The following ZNF483 variants were observed in gnomAD, a reference collection of about 807,000 sequenced individuals.
ZNF483 encodes zinc finger protein 483, also known as zinc finger protein HIT-10.
In ZNF483, 9 loss-of-function variants were observed where a neutral mutation model predicts 28.6. That is an observed-to-expected ratio of 0.32 (90% CI 0.19 to 0.55). ZNF483 has a LOEUF of 0.55. Ranked by LOEUF, ZNF483 falls within the 20% of genes least tolerant of loss-of-function variation. The pLI, the probability that ZNF483 is intolerant of heterozygous loss-of-function variation, is 0.93. For missense variants in ZNF483, 675 were observed against 871.7 expected, an observed-to-expected ratio of 0.77 and a Z score of 2.84; for synonymous variants, 322 against 306.2, an observed-to-expected ratio of 1.05 and a Z score of -0.54.
In ZNF483 at chr9:111,550,632, G is replaced by A. The variant is rs1271742772; in HGVS notation, c.*7462G>A. 6.6e-6 allele frequency among the ~76,000 whole-genome samples: 1 copy of A among 152,134 alleles called. No individual in the cohort carries two copies. On this transcript the variant is annotated 3_prime_UTR_variant, in exon 6 of 6. Coordinates refer to ENST00000309235, the MANE Select transcript of ZNF483 (RefSeq NM_133464.5). ...TTCTGCCGATGTAATTATTATCTAG[G>A]TGGAGAGGTGGATTCCTGGGCCACT...
At chr9:111,568,875 G>A (rs981381299) in intron 5 of ZNF483, among the ~76,000 whole-genome samples, 1 of 152,200 alleles carries the variant, frequency 6.6e-6, no homozygotes, top group African/African-American at 2.4e-5. Flanking sequence ...GGACCAGGGT[G>A]GTAGCAGGGA....
intron 3 of ZNF483, among the ~76,000 whole-genome samples, chr9:111,532,780 A>G (rs1189672578): frequency 6.6e-6 from 1 of 152,096 alleles, no homozygotes; most frequent in Non-Finnish European, 1.5e-5. Flanking sequence ...GCGTTGGTGC[A>G]TGCCTGTAAT....
chr9:111,561,147 G>GAGAGAGA (rs1491187821), intron 5 of ZNF483, among the ~76,000 whole-genome samples: 6 of 44,666 alleles, frequency 1.3e-4, no homozygotes, highest in Non-Finnish European at 2.1e-4. Context: ...AGGAGAGAGA[G>GAGAGAGA]GGAGAGAGAG....
At chr9:111,558,715 C>T (rs994238934), downstream of ZNF483, among the ~76,000 whole-genome samples, 3 of 152,164 alleles carry the variant, frequency 2.0e-5, no homozygotes, top group Non-Finnish European at 2.9e-5. Context: ...CACACACACT[C>T]ATTTATATGT....
rs1296121763 is a variant in ZNF483 at position 111,548,760 on chromosome 9, A to G, written c.*5590A>G. On this transcript the variant is annotated 3_prime_UTR_variant, in exon 6 of 6. Coordinates refer to ENST00000309235, the MANE Select transcript of ZNF483 (RefSeq NM_133464.5). ...TATTATGTTAAGGTAATTTCCTTTT[A>G]TTGATAAATTCTTGTTTGAAGGACA... Among the ~76,000 whole-genome samples, 3 of 149,150 alleles carry G rather than the reference A, an allele frequency of 2.0e-5. No homozygotes were observed. The highest frequency in any genetic ancestry group is 1.9e-4 in the East Asian group (1 of 5,152).
At chr9:111,535,514 A>T (rs1827470176) in intron 5 of ZNF483, among the ~76,000 whole-genome samples, 1 of 152,238 alleles carries the variant, frequency 6.6e-6, no homozygotes, top group South Asian at 2.1e-4. Flanking sequence ...GAAAACATTC[A>T]TGTTAACACT....
In ZNF483 at chr9:111,552,795, AAAATAT is replaced by A. The variant is rs142667436; in HGVS notation, c.*9632_*9637del. Among the ~76,000 whole-genome samples the A allele has an allele frequency of 0.026, 3,943 of 152,320 alleles. 69 individuals carry two copies. The highest frequency in any genetic ancestry group is 0.037 in the Non-Finnish European group (2,534 of 68,018). ...TTTGAATTAATTGGTCTTTATTATT[AAAATAT>A]AAATATTCTATTAGCAAAAATATAT... On this transcript the variant is annotated 3_prime_UTR_variant, in exon 6 of 6. Transcript: ENST00000309235.
At chr9:111,566,207 A>G (rs886263790) in intron 5 of ZNF483, among the ~76,000 whole-genome samples, 1 of 150,700 alleles carries the variant, frequency 6.6e-6, no homozygotes, top group African/African-American at 2.5e-5. Context: ...CATGTCAAAA[A>G]TAAATAAATA....
At chr9:111,529,215 T>G (rs1827258814) in intron 2 of ZNF483, among the ~76,000 whole-genome samples, 1 of 152,228 alleles carries the variant, frequency 6.6e-6, no homozygotes, top group African/African-American at 2.4e-5. Flanking sequence ...TCTCTTTGAT[T>G]ACGTAATTCT....
intron 5 of ZNF483, among the ~76,000 whole-genome samples, chr9:111,567,716 AT>A (rs1295903317): frequency 2.6e-5 from 4 of 152,264 alleles, no homozygotes; most frequent in African/African-American, 7.2e-5. Flanking sequence ...GCAGGATTTG[AT>A]TTGTGCCTTA....
chr9:111,570,963 C>A (rs911252118), intron 5 of ZNF483, among the ~76,000 whole-genome samples: 1 of 152,094 alleles, frequency 6.6e-6, no homozygotes, highest in African/African-American at 2.4e-5. Context: ...AGAGCCTATG[C>A]CCCTGGCTTT....
chr9:111,572,769 A>T, intron 5 of ZNF483, among the ~76,000 whole-genome samples: 1 of 150,862 alleles, frequency 6.6e-6, no homozygotes, highest in African/African-American at 2.4e-5. Flanking sequence ...AAAAAAAAAA[A>T]AAAAAAAAAA....
Position 111,551,461 on chromosome 9 carries a change from G to A in ZNF483, c.*8291G>A, listed in dbSNP as rs531787591. 2.4e-5 allele frequency among the ~76,000 whole-genome samples: 3 copies of A among 125,898 alleles called. No homozygotes were observed. The highest frequency in any genetic ancestry group is 9.1e-5 in the African/African-American group (3 of 32,874). The allele number at this position is 125,898 out of a possible 152,430, so 82.6% of individuals were successfully genotyped here. A position where few individuals can be genotyped will look rare whatever the true frequency, so the allele number is the denominator to read the frequency against. On this transcript the variant is annotated 3_prime_UTR_variant, in exon 6 of 6. Transcript: ENST00000309235. ...CTCACTCTGTTGCCCAGGCTGGAGTGCAGTGGCGCAATCTTGGTCCACTGC... is the reference window on the plus strand; with the variant it reads ...CTCACTCTGTTGCCCAGGCTGGAGTACAGTGGCGCAATCTTGGTCCACTGC...
At position 111,546,857 on chromosome 9, in the gene ZNF483, G is replaced by C. The variant is rs1344813064; in HGVS notation, c.*3687G>C. The stretch of plus-strand genomic sequence containing the variant: ...TAACTCCCCATTTTCTCCTCCTCAG[G>C]CTCCTGGTAACCACTGTTCTACTTC... On this transcript the variant is annotated 3_prime_UTR_variant, in exon 6 of 6. Coordinates refer to ENST00000309235, the MANE Select transcript of ZNF483 (RefSeq NM_133464.5). Among the ~76,000 whole-genome samples the C allele has an allele frequency of 1.3e-5, 2 of 151,992 alleles. No homozygotes were observed. The highest frequency in any genetic ancestry group is 2.9e-5 in the Non-Finnish European group (2 of 67,978).
intron 5 of ZNF483, among the ~76,000 whole-genome samples, chr9:111,539,112 CAAAAAAAAAAAAAA>C (rs11367090): frequency 6.2e-5 from 4 of 64,908 alleles, no homozygotes; most frequent in East Asian, 5.8e-4. Context: ...GACTCCGTCT[CAAAAAAAAAAAAAA>C]AAAAAAAAAA....
At chr9:111,538,682 T>A (rs147759467) in intron 5 of ZNF483, among the ~76,000 whole-genome samples, 100 of 152,282 alleles carry the variant, frequency 6.6e-4, no homozygotes, top group Non-Finnish European at 4.6e-4. Context: ...TATAAATATA[T>A]GTCCCTTCCC....
intron 5 of ZNF483, among the ~76,000 whole-genome samples, chr9:111,564,899 G>A (rs1035244512): frequency 3.9e-5 from 6 of 152,056 alleles, no homozygotes; most frequent in South Asian, 4.2e-4. Flanking sequence ...TGAGGCGGGT[G>A]GATCACCCGA....
At chr9:111,574,604 T>TAA (rs35972893) in intron 5 of ZNF483, 1,772 of 488,660 alleles carry the variant, frequency 3.6e-3, no homozygotes, top group South Asian at 9.4e-3. Flanking sequence ...GACTCTGTCT[T>TAA]AAAAAAAAAA....
chr9:111,525,732 C>T (rs1020944203), intron 1 of ZNF483, among the ~76,000 whole-genome samples: 2 of 152,104 alleles, frequency 1.3e-5, no homozygotes, highest in East Asian at 1.9e-4. Flanking sequence ...ATGTAAACTC[C>T]CTGTAGACGG....
Sources: allele counts gnomAD v4.1 joint callset (sites outside exome capture counted in the v4.1 genomes callset), GRCh38; gene constraint gnomAD v4.1.1; transcripts MANE v1.5; gene names NCBI Gene and HGNC (gene_info 2026-07-23, HGNC 2026-07-21).